The following SLC2A9 variants were observed in gnomAD, a reference collection of about 807,000 sequenced individuals.
The protein encoded by SLC2A9 is solute carrier family 2 member 9, also known as solute carrier family 2, facilitated glucose transporter member 9.
Under a neutral mutation model 50.6 loss-of-function variants are expected in SLC2A9, and 39 were observed. The observed-to-expected ratio is 0.77, with a 90% confidence interval of 0.60 to 1.01. The LOEUF (loss-of-function observed/expected upper bound fraction) is 1.01. Among genes scored for constraint, SLC2A9 ranks in the 50% least tolerant of loss-of-function variants. SLC2A9 has a pLI of 0.00. For missense variants in SLC2A9, 686 were observed against 677.6 expected (o/e 1.01, Z -0.14); for synonymous variants, 324 against 276.9 (o/e 1.17, Z -1.69).
intron 10 of SLC2A9, among the ~76,000 whole-genome samples, chr4:9,854,031 A>G (rs1730362089): frequency 6.6e-6 from 1 of 152,182 alleles, no homozygotes; most frequent in Admixed American, 6.5e-5. Context: ...CTAAATGCCC[A>G]CATCAAAAAG....
intron 2 of SLC2A9, among the ~76,000 whole-genome samples, chr4:10,015,272 C>A (rs1762430110): frequency 6.6e-6 from 1 of 152,174 alleles, no homozygotes; most frequent in South Asian, 2.1e-4. Context: ...CCCCCCATGG[C>A]TGGACTGTTG....
In SLC2A9 at chr4:9,941,950, C is replaced by T; in HGVS notation, c.777G>A (p.Leu259=). The change falls in exon 6 of 12, where the codon CTG becomes CTA. Residue 259 remains leucine, a synonymous_variant. Coordinates refer to ENST00000264784, the MANE Select transcript of SLC2A9 (RefSeq NM_020041.3). ...TTGCCTCGTTGTGCTTCTCCAAGAG[C>T]AGGTAGCGTGGGCTGTCCGGGAGAA... The part of the protein sequence containing the change: ...LPFLPDSPRY[L]LLEKHNEARA... 1.2e-6 allele frequency: 2 copies of T among 1,614,166 alleles called. No homozygotes were observed. Among genetic ancestry groups the T allele is most frequent in the Non-Finnish European group, 1.7e-6 (2 of 1,180,012 alleles).
At position 9,980,554 on chromosome 4, in the gene SLC2A9, A is replaced by G. The variant is rs74642325; in HGVS notation, c.681+38T>C. The G allele has an allele frequency of 1.8e-3, 2,837 of 1,613,574 alleles. 49 individuals carry two copies. The African/African-American group carries it at 0.034, about 20-fold the overall frequency. On this transcript the variant is annotated intron_variant, in intron 5 of 11. Transcript: ENST00000264784. ...CTCCTTCCTGCAGTGGTAACATGAGATGAGAGCAGATGCGGTTGACCAGGG... is the reference window on the plus strand; with the variant it reads ...CTCCTTCCTGCAGTGGTAACATGAGGTGAGAGCAGATGCGGTTGACCAGGG...
At chr4:9,860,573 T>A (rs1025215190) in intron 10 of SLC2A9, among the ~76,000 whole-genome samples, 1 of 152,238 alleles carries the variant, frequency 6.6e-6, no homozygotes, top group African/African-American at 2.4e-5. Flanking sequence ...TGAACTTGGC[T>A]TCAAGACTCA....
chr4:9,841,963 CCTT>C (rs1728146793), intron 10 of SLC2A9, among the ~76,000 whole-genome samples: 1 of 152,318 alleles, frequency 6.6e-6, no homozygotes, highest in Admixed American at 6.5e-5. Flanking sequence ...CATAAAATCT[CCTT>C]CTCTGGTCAG....
intron 10 of SLC2A9, among the ~76,000 whole-genome samples, chr4:9,865,832 T>C (rs897272032): frequency 2.6e-5 from 4 of 152,180 alleles, no homozygotes; most frequent in African/African-American, 7.2e-5. Flanking sequence ...TTGCCACAAT[T>C]GGATTGATGA....
intron 3 of SLC2A9, among the ~76,000 whole-genome samples, chr4:9,804,411 C>T (rs1300077221): frequency 6.6e-6 from 1 of 151,406 alleles, no homozygotes; most frequent in East Asian, 1.9e-4. Context: ...TTTTGTTCCT[C>T]ACTTCCTTCA....
intron 3 of SLC2A9, among the ~76,000 whole-genome samples, chr4:9,800,846 T>C (rs1447514199): frequency 6.6e-6 from 1 of 152,120 alleles, no homozygotes; most frequent in African/African-American, 2.4e-5. Flanking sequence ...GACTTGAGCA[T>C]TTGTGGATTT....
chr4:9,783,831 A>T (rs1252376111), intron 3 of SLC2A9: 2 of 216,418 alleles, frequency 9.2e-6, no homozygotes, highest in Non-Finnish European at 2.0e-5. Flanking sequence ...ATTGATTTTT[A>T]AACAGCAGGT....
chr4:9,923,616 C>T (rs1159043114), intron 6 of SLC2A9, among the ~76,000 whole-genome samples: 1 of 152,216 alleles, frequency 6.6e-6, no homozygotes, highest in Non-Finnish European at 1.5e-5. Context: ...AGTTAAGCTG[C>T]TGACCCTGAA....
chr4:9,885,217 C>G (rs1735968612), intron 10 of SLC2A9, among the ~76,000 whole-genome samples: 1 of 152,160 alleles, frequency 6.6e-6, no homozygotes, highest in African/African-American at 2.4e-5. Context: ...AAATATGGTT[C>G]TATTTTATCT....
chr4:9,974,414 T>C (rs1188845793), intron 5 of SLC2A9, among the ~76,000 whole-genome samples: 1 of 151,950 alleles, frequency 6.6e-6, no homozygotes, highest in Non-Finnish European at 1.5e-5. Context: ...TTCAGGAAAG[T>C]TTCAGGATAC....
intron 6 of SLC2A9, among the ~76,000 whole-genome samples, chr4:9,934,874 T>G (rs145648621): frequency 0.01 from 1,598 of 152,296 alleles, 21 homozygotes; most frequent in African/African-American, 0.036. Context: ...GTTCTCATTG[T>G]TCAGCTCCCA....
chr4:9,780,234 C>A (rs1481388648), intron 3 of SLC2A9, among the ~76,000 whole-genome samples: 1 of 152,096 alleles, frequency 6.6e-6, no homozygotes, highest in Non-Finnish European at 1.5e-5. Context: ...GACAGAGGGT[C>A]AGGGCAGAGA....
chr4:9,905,252 A>T (rs1740443310), intron 8 of SLC2A9, among the ~76,000 whole-genome samples: 1 of 152,214 alleles, frequency 6.6e-6, no homozygotes, highest in African/African-American at 2.4e-5. Flanking sequence ...AGATTCCTGC[A>T]CCTCTAGAAC....
chr4:9,805,616 G>C (rs528443232), intron 3 of SLC2A9, among the ~76,000 whole-genome samples: 4 of 151,324 alleles, frequency 2.6e-5, no homozygotes, highest in Admixed American at 2.0e-4. Context: ...CACAAGACTC[G>C]CTTGAACCTG....
intron 3 of SLC2A9, chr4:9,782,314 G>T: frequency 6.2e-7 from 1 of 1,614,034 alleles, no homozygotes; most frequent in Non-Finnish European, 8.5e-7. Context: ...TGCTGGTCAT[G>T]CCCTGGAAGG....
chr4:10,029,576 A>AC (rs1560510257), intron 1 of SLC2A9, among the ~76,000 whole-genome samples: 1 of 51,538 alleles, frequency 1.9e-5, no homozygotes, highest in African/African-American at 7.5e-5. Context: ...TTTATTTTAT[A>AC]TTTTTATTTT....
chr4:9,952,950 C>G (rs1229730667), intron 5 of SLC2A9, among the ~76,000 whole-genome samples: 3 of 152,214 alleles, frequency 2.0e-5, no homozygotes, highest in Non-Finnish European at 4.4e-5. Flanking sequence ...AATTTCTATT[C>G]ACAGATTCTG....
Sources: allele counts gnomAD v4.1 joint callset (sites outside exome capture counted in the v4.1 genomes callset), GRCh38; gene constraint gnomAD v4.1.1; transcripts MANE v1.5; gene names NCBI Gene and HGNC (gene_info 2026-07-23, HGNC 2026-07-21).